LRP5: variants seen among roughly 807,000 people sequenced by gnomAD.
LRP5 encodes LDL receptor related protein 5, also known as low-density lipoprotein receptor-related protein 5.
LRP5 carries 62 observed loss-of-function variants against 154.1 expected under a neutral mutation model. That is an observed-to-expected ratio of 0.40 (90% CI 0.33 to 0.50). The LOEUF is 0.50. Among genes scored for constraint, LRP5 ranks in the 20% least tolerant of loss-of-function variants. The pLI is 0.55. For synonymous variants in LRP5, 966 were observed against 1,011.5 expected, an observed-to-expected ratio of 0.96 and a Z score of 0.85; for missense variants, 1,915 against 2,336.7, an observed-to-expected ratio of 0.82 and a Z score of 3.72.
intron 7 of LRP5, among the ~76,000 whole-genome samples, chr11:68,393,612 C>T (rs2098647602): frequency 6.6e-6 from 1 of 152,182 alleles, no homozygotes; most frequent in African/African-American, 2.4e-5. Context: ...GTAACCCCAT[C>T]TCTACCAAAA....
intron 5 of LRP5, among the ~76,000 whole-genome samples, chr11:68,385,370 C>T (rs914129165): frequency 2.6e-5 from 4 of 152,020 alleles, no homozygotes; most frequent in African/African-American, 9.7e-5. Context: ...TGCTTCGTGG[C>T]GTGGTTCTGA....
chr11:68,443,093 C>T (rs188050945), intron 21 of LRP5, among the ~76,000 whole-genome samples: 44 of 152,270 alleles, frequency 2.9e-4, no homozygotes, highest in African/African-American at 9.1e-4. Flanking sequence ...ACTGGCAAAA[C>T]GGTCCCTGGC....
intron 1 of LRP5, among the ~76,000 whole-genome samples, chr11:68,318,334 C>G (rs1319640135): frequency 6.7e-6 from 1 of 149,972 alleles, no homozygotes; most frequent in Non-Finnish European, 1.5e-5. Flanking sequence ...CGTGAGCCAC[C>G]ACACCCGGCC....
chr11:68,398,264 G>A (rs2098650652), intron 7 of LRP5, among the ~76,000 whole-genome samples: 1 of 152,222 alleles, frequency 6.6e-6, no homozygotes, highest in Non-Finnish European at 1.5e-5. Context: ...TCAGCCTGCA[G>A]GACGGCAGCA....
intron 14 of LRP5, 90 bp from the exon 15 acceptor site, chr11:68,425,011 CT>C: frequency 8.6e-7 from 1 of 1,167,974 alleles, no homozygotes; most frequent in East Asian, 2.4e-5. Context: ...GAGGCAGGGG[CT>C]TTCCACAGCC....
rs769035778 is a variant in LRP5, at chr11:68,409,995, G to A, written c.2173G>A (p.Val725Ile). ...FGLDYPEGMA[V>I]DWMGKNLYWA... ...CCTTGACTACCCCGAGGGCATGGCC[G>A]TTGACTGGATGGGCAAGAACCTCTA... Residue 725 changes from valine (V) to isoleucine (I), a missense_variant, in exon 10 of 23, where the codon GTT becomes ATT. Transcript: ENST00000294304. 26 of 1,614,058 alleles carry A rather than the reference G, an allele frequency of 1.6e-5. No homozygotes were observed. The highest frequency in any genetic ancestry group is 1.3e-4 in the South Asian group (12 of 91,090).
intron 1 of LRP5, among the ~76,000 whole-genome samples, chr11:68,327,253 G>A (rs1438624582): frequency 2.6e-5 from 4 of 152,284 alleles, no homozygotes; most frequent in African/African-American, 9.6e-5. Flanking sequence ...GCCCCTCTTC[G>A]TTCCATTTCC....
intron 12 of LRP5, among the ~76,000 whole-genome samples, chr11:68,415,428 G>A (rs1027185982): frequency 6.6e-5 from 10 of 152,146 alleles, no homozygotes; most frequent in African/African-American, 1.7e-4. Context: ...CCTGCCTTCC[G>A]TCTTAAGTGT....
At chr11:68,337,706 A>G (rs966826541) in intron 1 of LRP5, among the ~76,000 whole-genome samples, 2 of 150,068 alleles carry the variant, frequency 1.3e-5, no homozygotes, top group African/African-American at 4.9e-5. Context: ...TGGTCCACCC[A>G]TAGTCAGGTC....
In LRP5 at chr11:68,423,219, C is replaced by T. The variant is rs770969338; in HGVS notation, c.3028-270C>T. ...CTCTTCCAGAGGCTGTTGTCCTAAT[C>T]GCTCTGGCATACTCAGGCGGGCACG... On this transcript the variant is annotated intron_variant, in intron 13 of 22. Transcript: ENST00000294304. The surrounding 1 kb of genome is among the most constrained non-coding windows in gnomAD (Gnocchi z 4.7). Among the ~76,000 whole-genome samples, 2 of 152,188 alleles carry T rather than the reference C, an allele frequency of 1.3e-5. No individual in the cohort carries two copies. Among genetic ancestry groups the T allele is most frequent in the Non-Finnish European group, 2.9e-5 (2 of 68,034 alleles).
intron 13 of LRP5, among the ~76,000 whole-genome samples, chr11:68,421,723 T>G (rs11827694): frequency 7.5e-5 from 8 of 106,132 alleles, no homozygotes; most frequent in East Asian, 2.8e-4. Flanking sequence ...TGTGTGTGTG[T>G]GGTGTGTGTG....
In LRP5 at chr11:68,448,956, G is replaced by A. The variant is rs781203252; in HGVS notation, c.4734G>A (p.Thr1578=). The part of the protein sequence containing the change: ...SDSDPYPPPP[T]PHSQYLSAED... ...CAGACCCCTATCCACCCCCACCCAC[G>A]CCCCACAGCCAGTACCTGTCGGCGG... Residue 1578 remains threonine, a synonymous_variant, in exon 23 of 23, where the codon ACG becomes ACA. Transcript: ENST00000294304. 18 of 1,610,488 alleles carry A rather than the reference G, an allele frequency of 1.1e-5. No individual in the cohort carries two copies. The highest frequency in any genetic ancestry group is 1.5e-5 in the Non-Finnish European group (18 of 1,179,000).
chr11:68,370,546 C>T (rs1375675070), intron 5 of LRP5, among the ~76,000 whole-genome samples: 2 of 152,172 alleles, frequency 1.3e-5, no homozygotes, highest in East Asian at 1.9e-4. Context: ...GGACTAGCAG[C>T]GAGCCCTGCC....
Position 68,411,452 on chromosome 11 carries a change from G to A in LRP5, c.2335G>A (p.Glu779Lys), listed in dbSNP as rs764526918. 17 of 1,612,142 alleles carry A rather than the reference G, an allele frequency of 1.1e-5. No homozygotes were observed. Among genetic ancestry groups the A allele is most frequent in the East Asian group, 2.2e-5 (1 of 44,902 alleles). ...GCCTTCCAGCTACATCTACTGGACC[G>A]AGTGGGGCGGCAAGCCGAGGATCGT... ...DPTKGYIYWTEWGGKPRIVRA... is the reference protein window; with the variant it reads ...DPTKGYIYWTKWGGKPRIVRA... The change falls in exon 11 of 23, where the codon GAG becomes AAG. Residue 779 changes from glutamate to lysine, a missense_variant. By Grantham distance (56) the Glu-to-Lys change is moderately conservative. This residue lies in a region of LRP5 where 773 missense variants were observed against 1,100.9 expected (regional missense o/e 0.70). Transcript: ENST00000294304.
At chr11:68,329,719 C>T (rs1474130585) in intron 1 of LRP5, among the ~76,000 whole-genome samples, 3 of 152,262 alleles carry the variant, frequency 2.0e-5, no homozygotes, top group East Asian at 3.9e-4. Context: ...ACTCAACTGT[C>T]CCAAGGAGAG....
At chr11:68,439,750 T>A in intron 20 of LRP5, 27 bp from the exon 21 acceptor site, 1 of 1,604,254 alleles carries the variant, frequency 6.2e-7, no homozygotes, top group Non-Finnish European at 8.5e-7. Context: ...GGAAGCCACC[T>A]GACCTCCCCC....
chr11:68,348,371 G>C (rs1274286168), intron 2 of LRP5, 128 bp downstream of exon 2: 2 of 1,227,230 alleles, frequency 1.6e-6, no homozygotes, highest in Admixed American at 4.1e-5. Flanking sequence ...CCCGTGGGGG[G>C]GTTGGCTCAG....
chr11:68,330,358 T>G (rs314779), intron 1 of LRP5, among the ~76,000 whole-genome samples: 31,323 of 152,222 alleles, frequency 0.21, 3,927 homozygotes, highest in Non-Finnish European at 0.3. Flanking sequence ...CAGGAAGATC[T>G]CTGCTGTGCA....
chr11:68,384,442 G>C (rs2098641903), intron 5 of LRP5, among the ~76,000 whole-genome samples: 1 of 152,178 alleles, frequency 6.6e-6, no homozygotes. Flanking sequence ...AGGATGCTGG[G>C]AGGGGTCTCT....
Sources: gnomAD v4.1 joint callset for allele counts (sites outside exome capture counted in the v4.1 genomes callset) on GRCh38, gnomAD v4.1.1 for gene constraint, gnomAD v4.1.1 regional missense constraint, Gnocchi (gnomAD v3.1) non-coding constraint, MANE v1.5 for transcripts, NCBI Gene and HGNC (gene_info 2026-07-23, HGNC 2026-07-21) for gene names.